CCNY: variants seen among roughly 807,000 people sequenced by gnomAD.
The protein encoded by CCNY is cyclin-Y.
In CCNY, 19 loss-of-function variants were observed where a neutral mutation model predicts 42.8. The ratio of observed to expected loss-of-function variants is 0.44; its 90% CI spans 0.31 to 0.65. The LOEUF is 0.65. Ranked by LOEUF, CCNY falls within the 30% of genes least tolerant of loss-of-function variation. The probability of loss-of-function intolerance (pLI) is 0.07; values close to 1 mark genes in which losing one functional copy is unlikely to be tolerated. For missense variants in CCNY, 370 were observed against 437.3 expected (o/e 0.85, Z 1.37); for synonymous variants, 165 against 162.7 (o/e 1.01, Z -0.11).
At chr10:35,514,071 A>T (rs1249260631) in intron 3 of CCNY, among the ~76,000 whole-genome samples, 10 of 96,242 alleles carry the variant, frequency 1.0e-4, no homozygotes, top group Non-Finnish European at 1.6e-4. Context: ...TGAGAGGACC[A>T]GTTCAAAAAA....
intron 3 of CCNY, among the ~76,000 whole-genome samples, chr10:35,504,308 C>T (rs1479448990): frequency 6.6e-6 from 1 of 152,140 alleles, no homozygotes; most frequent in Non-Finnish European, 1.5e-5. Flanking sequence ...GCAAACAACA[C>T]ACATAAGCAA....
At chr10:35,399,324 C>T (rs993027805) in intron 1 of CCNY, among the ~76,000 whole-genome samples, 2 of 1,830 alleles carry the variant, frequency 1.1e-3, no homozygotes, top group African/African-American at 2.3e-3. Flanking sequence ...GCCCAGGATG[C>T]TTATCCATGT....
chr10:35,538,287 C>G (rs924483967), intron 7 of CCNY, among the ~76,000 whole-genome samples: 7 of 152,278 alleles, frequency 4.6e-5, no homozygotes, highest in South Asian at 2.1e-4. Flanking sequence ...TGGACTGATA[C>G]AGTTTATATG....
intron 2 of CCNY, among the ~76,000 whole-genome samples, chr10:35,494,255 A>G (rs1344112811): frequency 7.2e-6 from 1 of 139,544 alleles, no homozygotes; most frequent in Non-Finnish European, 1.6e-5. Context: ...CATTTCTACA[A>G]AAAAATAAAG....
At chr10:35,382,534 G>A (rs1249660301) in intron 1 of CCNY, among the ~76,000 whole-genome samples, 1 of 152,176 alleles carries the variant, frequency 6.6e-6, no homozygotes, top group Non-Finnish European at 1.5e-5. Context: ...GCAAGGTCTG[G>A]AGACATTTTA....
At chr10:35,488,017 G>C (rs1026009687) in intron 2 of CCNY, among the ~76,000 whole-genome samples, 6 of 152,114 alleles carry the variant, frequency 3.9e-5, no homozygotes, top group Admixed American at 3.9e-4. Context: ...TGAGAAAGCA[G>C]CCAAGCCACA....
chr10:35,554,852 G>T (rs1841331153), intron 8 of CCNY, among the ~76,000 whole-genome samples: 1 of 152,214 alleles, frequency 6.6e-6, no homozygotes, highest in Non-Finnish European at 1.5e-5. Flanking sequence ...ACAGAAGCAT[G>T]AAAACAAAAG....
chr10:35,302,996 G>C (rs1326475655), intron 3 of CCNY, among the ~76,000 whole-genome samples: 2 of 152,108 alleles, frequency 1.3e-5, no homozygotes, highest in Admixed American at 6.6e-5. Flanking sequence ...AGGAATTCCA[G>C]ACCAGCTTGG....
intron 3 of CCNY, among the ~76,000 whole-genome samples, chr10:35,320,343 T>C (rs917455859): frequency 1.3e-5 from 2 of 152,184 alleles, no homozygotes; most frequent in Admixed American, 6.5e-5. Context: ...ACCTACCATA[T>C]TAACAGAACA....
chr10:35,305,576 A>G (rs903855271), intron 3 of CCNY, among the ~76,000 whole-genome samples: 5 of 152,184 alleles, frequency 3.3e-5, no homozygotes, highest in African/African-American at 1.2e-4. Flanking sequence ...GTTAAATGAG[A>G]CAGAGATTAG....
upstream of CCNY, among the ~76,000 whole-genome samples, chr10:35,332,005 A>T (rs992556263): frequency 6.6e-6 from 1 of 152,174 alleles, no homozygotes; most frequent in Non-Finnish European, 1.5e-5. Flanking sequence ...CAAAAATGTT[A>T]TCCAGAAATG....
intron 2 of CCNY, among the ~76,000 whole-genome samples, chr10:35,491,228 T>C (rs1839888292): frequency 6.6e-6 from 1 of 152,214 alleles, no homozygotes; most frequent in Non-Finnish European, 1.5e-5. Context: ...CTTCCATTAG[T>C]GGGATTTATA....
At chr10:35,477,748 C>G (rs1302490373) in intron 1 of CCNY, among the ~76,000 whole-genome samples, 7 of 152,058 alleles carry the variant, frequency 4.6e-5, no homozygotes, top group African/African-American at 1.7e-4. Context: ...TGCCCTCTCT[C>G]GCCACTCCTA....
intron 1 of CCNY, among the ~76,000 whole-genome samples, chr10:35,426,262 AACAC>A (rs1045392776): frequency 1.3e-5 from 2 of 149,310 alleles, no homozygotes; most frequent in East Asian, 2.0e-4. Context: ...CAAACACACA[AACAC>A]ACACACACTG....
At chr10:35,256,377 A>AGAT (rs2095715505) in intron 3 of CCNY, among the ~76,000 whole-genome samples, 1 of 152,106 alleles carries the variant, frequency 6.6e-6, no homozygotes, top group Non-Finnish European at 1.5e-5. Flanking sequence ...TTCTCTGGTT[A>AGAT]CCATGGAGAT....
intron 3 of CCNY, among the ~76,000 whole-genome samples, chr10:35,307,760 A>ATGTGTGTG (rs60407989): frequency 4.3e-5 from 5 of 116,160 alleles, no homozygotes; most frequent in Middle Eastern, 5.3e-3. Context: ...ATGTGTATAT[A>ATGTGTGTG]TGTGTGTGTG....
chr10:35,451,771 A>G (rs1838922815), intron 1 of CCNY, among the ~76,000 whole-genome samples: 1 of 152,120 alleles, frequency 6.6e-6, no homozygotes. Context: ...TTTACCCTCT[A>G]CAACAGTGCA....
intron 1 of CCNY, among the ~76,000 whole-genome samples, chr10:35,477,950 C>G (rs1349823067): frequency 2.8e-5 from 4 of 144,714 alleles, no homozygotes; most frequent in African/African-American, 1.0e-4. Flanking sequence ...TCTCAGGATA[C>G]AAAATCAATG....
chr10:35,286,655 CTTTTTTT>C (rs1192327536), intron 3 of CCNY, among the ~76,000 whole-genome samples: 3 of 112,232 alleles, frequency 2.7e-5, no homozygotes, highest in African/African-American at 1.0e-4. Flanking sequence ...CGTGCCCAGC[CTTTTTTT>C]TTTTTTTTTT....
Sources: allele counts gnomAD v4.1 joint callset (sites outside exome capture counted in the v4.1 genomes callset), GRCh38; gene constraint gnomAD v4.1.1; transcripts MANE v1.5; gene names NCBI Gene and HGNC (gene_info 2026-07-23, HGNC 2026-07-21).